Variants in ASXL3 observed in about 807,000 individuals in gnomAD.
ASXL3 encodes the protein putative Polycomb group protein ASXL3.
ASXL3 carries 34 observed loss-of-function variants against 170.6 expected under a neutral mutation model. That is an observed-to-expected ratio of 0.20 (90% confidence interval 0.15 to 0.27). The LOEUF is 0.27. Among genes scored for constraint, ASXL3 ranks in the 10% least tolerant of loss-of-function variants. The pLI, the probability that ASXL3 is intolerant of heterozygous loss-of-function variation, is 1.00. For synonymous variants in ASXL3, 1,002 were observed against 989.1 expected (o/e 1.01, Z -0.24); for missense variants, 2,592 against 2,695.3 (o/e 0.96, Z 0.85).
chr18:33,734,245 TTTTC>T (rs1181498222), intron 9 of ASXL3, 61 bp from the exon 10 acceptor site: 4 of 1,118,044 alleles, frequency 3.6e-6, no homozygotes, highest in Non-Finnish European at 5.0e-6. Context: ...GAATTACATG[TTTTC>T]TTTATTAATT....
At chr18:33,690,272 A>G (rs1449718280) in intron 8 of ASXL3, 1 of 152,148 alleles carries the variant, frequency 6.6e-6, no homozygotes, top group Non-Finnish European at 1.5e-5. Context: ...TCAAGAAGCC[A>G]TGGTTCCCAT....
At chr18:33,605,932 T>G (rs2065243287) in intron 1 of ASXL3, among the ~76,000 whole-genome samples, 1 of 151,920 alleles carries the variant, frequency 6.6e-6, no homozygotes, top group Non-Finnish European at 1.5e-5. Flanking sequence ...CCCGTTGCCT[T>G]TCATTTGAGG....
At chr18:33,645,382 C>G (rs2065902356) in intron 3 of ASXL3, among the ~76,000 whole-genome samples, 1 of 151,566 alleles carries the variant, frequency 6.6e-6, no homozygotes, top group Non-Finnish European at 1.5e-5. Flanking sequence ...ATGCCCTTGT[C>G]TTTTATAAAA....
At chr18:33,698,053 T>G (rs2066800939) in intron 8 of ASXL3, among the ~76,000 whole-genome samples, 1 of 152,088 alleles carries the variant, frequency 6.6e-6, no homozygotes, top group Non-Finnish European at 1.5e-5. Flanking sequence ...GGTATGAATG[T>G]AGGTATCCCT....
chr18:33,693,018 T>C (rs1028590890), intron 8 of ASXL3, among the ~76,000 whole-genome samples: 1 of 152,154 alleles, frequency 6.6e-6, no homozygotes, highest in Non-Finnish European at 1.5e-5. Context: ...GGCCTTGCTA[T>C]TATGACCTCA....
chr18:33,718,057 A>T (rs1300786976), intron 8 of ASXL3, among the ~76,000 whole-genome samples: 1 of 152,104 alleles, frequency 6.6e-6, no homozygotes, highest in East Asian at 1.9e-4. Context: ...TGTTGTTTAT[A>T]CTCCCTAACA....
intron 1 of ASXL3, among the ~76,000 whole-genome samples, chr18:33,600,026 A>G (rs2065167343): frequency 6.6e-6 from 1 of 152,160 alleles, no homozygotes. Context: ...TAAAATATTT[A>G]TCAATTTTTA....
chr18:33,656,757 C>T (rs1030039837), intron 4 of ASXL3, among the ~76,000 whole-genome samples: 2 of 151,834 alleles, frequency 1.3e-5, no homozygotes, highest in Non-Finnish European at 2.9e-5. Context: ...TCATATTATC[C>T]CTAATTGACT....
intron 2 of ASXL3, among the ~76,000 whole-genome samples, chr18:33,634,614 A>G (rs1441251599): frequency 6.6e-6 from 1 of 152,178 alleles, no homozygotes; most frequent in African/African-American, 2.4e-5. Flanking sequence ...TCTGTAGAGC[A>G]TGCACAGTTT....
intron 4 of ASXL3, among the ~76,000 whole-genome samples, chr18:33,653,478 A>C (rs1599450200): frequency 6.6e-6 from 1 of 152,242 alleles, no homozygotes; most frequent in South Asian, 2.1e-4. Flanking sequence ...GTATGTGAGA[A>C]TTATGTTGTT....
intron 1 of ASXL3, among the ~76,000 whole-genome samples, chr18:33,581,080 T>C (rs762197313): frequency 2.6e-5 from 4 of 152,188 alleles, no homozygotes; most frequent in Non-Finnish European, 5.9e-5. Flanking sequence ...TTAATTTTCA[T>C]ATTTTCTTTA....
In ASXL3 at chr18:33,622,803, A is replaced by T. The variant is rs80079395; in HGVS notation, c.137+15127A>T. ...TCATGTCCCATTGGTTTAGACATAC[A>T]CTTGCACTGAGCTGAAAGGGAGGCT... On this transcript the variant is annotated intron_variant, in intron 2 of 11. Transcript: ENST00000269197. 4.7e-3 allele frequency among the ~76,000 whole-genome samples: 722 copies of T among 152,252 alleles called. 7 individuals carry two copies. Among genetic ancestry groups the T allele is most frequent in the African/African-American group, 0.017 (688 of 41,564 alleles).
chr18:33,743,979 T>G lies in ASXL3; in HGVS notation c.4131T>G (p.Pro1377=). 1 of 1,613,998 alleles carries G rather than the reference T, an allele frequency of 6.2e-7. No homozygotes were observed. The highest frequency in any genetic ancestry group is 1.1e-5 in the South Asian group (1 of 91,086). The change falls in exon 12 of 12, where the codon CCT becomes CCG. Residue 1377 remains proline, a synonymous_variant. Coordinates refer to ENST00000269197, the MANE Select transcript of ASXL3 (RefSeq NM_030632.3). ...NRFPSEKIAI[P]GSEEQATVSM... ...TTCCTTCTGAGAAGATAGCCATACC[T>G]GGGAGTGAAGAACAGGCCACTGTAT...
rs764497093 is a variant in ASXL3, at chr18:33,738,497, T to C, written c.1093T>C (p.Ser365Pro). Residue 365 changes from serine to proline, a missense_variant, in exon 11 of 12, where the codon TCA (serine) becomes CCA (proline). Ser to Pro is a moderately conservative substitution (Grantham distance 74, BLOSUM62 -1). Around this residue, in one of 4 missense-constraint regions of ASXL3, gnomAD observed 2,246 missense variants for 2,219.6 expected, o/e 1.01. Transcript: ENST00000269197. The part of the protein sequence containing the change: ...ERFYGEKLGM[S>P]REESVKLTTG... ...CTAATTTCTGTACAGGCTGGGCATG[T>C]CAAGAGAGGAATCTGTGAAGCTCAC... is the stretch of plus-strand genomic sequence containing the variant. 19 of 1,608,236 alleles carry C rather than the reference T, an allele frequency of 1.2e-5. No individual in the cohort carries two copies. Among genetic ancestry groups the C allele is most frequent in the Non-Finnish European group, 1.6e-5 (19 of 1,176,502 alleles).
intron 5 of ASXL3, among the ~76,000 whole-genome samples, chr18:33,664,310 G>T: frequency 6.6e-6 from 1 of 152,158 alleles, no homozygotes; most frequent in East Asian, 1.9e-4. Context: ...TTCAGCATGT[G>T]CTATGTAATA....
At chr18:33,688,334 G>C (rs748945190) in intron 8 of ASXL3, among the ~76,000 whole-genome samples, 1 of 152,170 alleles carries the variant, frequency 6.6e-6, no homozygotes, top group Non-Finnish European at 1.5e-5. Context: ...TAGATGCTTC[G>C]TAGGCAATTA....
chr18:33,732,540 C>A (rs1318574012), intron 9 of ASXL3, among the ~76,000 whole-genome samples: 1 of 152,102 alleles, frequency 6.6e-6, no homozygotes, highest in Non-Finnish European at 1.5e-5. Flanking sequence ...CCACTCTACA[C>A]AACTGAAATA....
At chr18:33,671,686 GA>G in intron 6 of ASXL3, 60 bp from the exon 7 acceptor site, 1 of 1,438,490 alleles carries the variant, frequency 7.0e-7, no homozygotes, top group Non-Finnish European at 9.3e-7. Flanking sequence ...AACAATTTTA[GA>G]TTTTTCTTTT....
chr18:33,624,066 G>A (rs760350565), intron 2 of ASXL3, among the ~76,000 whole-genome samples: 3 of 152,166 alleles, frequency 2.0e-5, no homozygotes, highest in Non-Finnish European at 4.4e-5. Flanking sequence ...ACTAAGGTGA[G>A]AGGGTTGCTT....
Sources: gnomAD v4.1 joint callset for allele counts (sites outside exome capture counted in the v4.1 genomes callset) on GRCh38, gnomAD v4.1.1 for gene constraint, gnomAD v4.1.1 regional missense constraint, MANE v1.5 for transcripts, NCBI Gene and HGNC (gene_info 2026-07-23, HGNC 2026-07-21) for gene names.